The following ROS1 variants were observed in gnomAD, a reference collection of about 807,000 sequenced individuals.
ROS1 encodes the protein ROS proto-oncogene 1, receptor tyrosine kinase.
Under a neutral mutation model 273.5 loss-of-function variants are expected in ROS1, and 263 were observed. That is an observed-to-expected ratio of 0.96 (90% CI 0.87 to 1.06). The LOEUF (loss-of-function observed/expected upper bound fraction) is 1.06. Among genes scored for constraint, ROS1 ranks in the 50% least tolerant of loss-of-function variants. ROS1 has a pLI of 0.00. For synonymous variants in ROS1, 1,008 were observed against 954.1 expected (o/e 1.06, Z -1.04); for missense variants, 2,833 against 2,751.1 (o/e 1.03, Z -0.67).
chr6:117,320,534 A>G (rs1393906796), intron 36 of ROS1, among the ~76,000 whole-genome samples: 2 of 152,168 alleles, frequency 1.3e-5, no homozygotes, highest in African/African-American at 2.4e-5. Flanking sequence ...CACTTGGAAT[A>G]CTACAAGGGG....
At chr6:117,325,608 G>A (rs1776577894) in intron 34 of ROS1, among the ~76,000 whole-genome samples, 1 of 152,088 alleles carries the variant, frequency 6.6e-6, no homozygotes, top group Non-Finnish European at 1.5e-5. Context: ...GTATGCGTAA[G>A]TCAAGGGCAC....
chr6:117,321,998 A>G (rs1776322812), intron 35 of ROS1, among the ~76,000 whole-genome samples: 1 of 151,842 alleles, frequency 6.6e-6, no homozygotes, highest in African/African-American at 2.4e-5. Flanking sequence ...CTTATATAAT[A>G]AGCAGTATTA....
intron 18 of ROS1, among the ~76,000 whole-genome samples, chr6:117,370,992 A>G (rs1045753067): frequency 2.0e-5 from 3 of 152,206 alleles, no homozygotes; most frequent in Admixed American, 6.5e-5. Flanking sequence ...AGATTGTGTA[A>G]AAAAGCAACA....
At chr6:117,310,949 G>T in intron 40 of ROS1, 71 bp downstream of exon 40, 1 of 868,082 alleles carries the variant, frequency 1.2e-6, no homozygotes, top group Non-Finnish European at 1.8e-6. Flanking sequence ...TATCTTGTGT[G>T]CTTTACCTGC....
At chr6:117,381,393 C>A (rs1489873408) in intron 17 of ROS1, among the ~76,000 whole-genome samples, 2 of 151,642 alleles carry the variant, frequency 1.3e-5, no homozygotes, top group Non-Finnish European at 2.9e-5. Context: ...CCAACTTCCA[C>A]CCTCCCTCCT....
In ROS1 at chr6:117,359,877, C is replaced by T. The variant is rs753216129; in HGVS notation, c.3565G>A (p.Glu1189Lys). ...TCCCCTTCAGCATAATATCCCATCT[C>T]ATTATCAGCTGTGTAGCAAACGGCA... ...ISAVCYTADN[E>K]MGYYAEGDSL... The change falls in exon 24 of 44, where the codon GAG (glutamate) becomes AAG (lysine). Residue 1189 changes from glutamate (E) to lysine (K), a missense_variant. Coordinates refer to ENST00000368507, the MANE Select transcript of ROS1 (RefSeq NM_001378902.1). The T allele has an allele frequency of 1.9e-6, 3 of 1,613,934 alleles. No homozygotes were observed. Among genetic ancestry groups the T allele is most frequent in the Admixed American group, 3.3e-5 (2 of 60,000 alleles).
intron 33 of ROS1, among the ~76,000 whole-genome samples, chr6:117,328,245 A>G (rs1304697064): frequency 3.9e-5 from 6 of 152,200 alleles, no homozygotes; most frequent in Non-Finnish European, 8.8e-5. Context: ...GTCATCCTAT[A>G]GTCTATGTCC....
In ROS1 at chr6:117,387,799, C is replaced by T; in HGVS notation, c.1980G>A (p.Val660=). The change falls in exon 14 of 44, where the codon GTG becomes GTA. Residue 660 remains valine, a synonymous_variant. Coordinates refer to ENST00000368507, the MANE Select transcript of ROS1 (RefSeq NM_001378902.1). The part of the protein sequence containing the change: ...KRPGPWSEPS[V]GTTLVPASEP... ...TCTCACCTGGCACCAGGGTAGTACC[C>T]ACTGAGGGCTCTGACCAGGGGCCTG... The T allele has an allele frequency of 6.2e-7, 1 of 1,614,076 alleles. No individual in the cohort carries two copies. Among genetic ancestry groups the T allele is most frequent in the Non-Finnish European group, 8.5e-7 (1 of 1,179,996 alleles).
Position 117,317,134 on chromosome 6 carries a change from A to T in ROS1, c.6117+9T>A, listed in dbSNP as rs568680670. ...TATGAAACCAATATTATGGATCCCA[A>T]CTGCCTACCGTTGCCATCCGGGCTT... On this transcript the variant is annotated intron_variant, in intron 39 of 43. Coordinates refer to ENST00000368507, the MANE Select transcript of ROS1 (RefSeq NM_001378902.1). The T allele has an allele frequency of 6.2e-7, 1 of 1,609,042 alleles. No individual in the cohort carries two copies. Among genetic ancestry groups the T allele is most frequent in the Non-Finnish European group, 8.5e-7 (1 of 1,178,302 alleles).
chr6:117,333,068 T>A (rs115365669), intron 32 of ROS1, among the ~76,000 whole-genome samples: 4,256 of 148,770 alleles, frequency 0.029, 185 homozygotes, highest in African/African-American at 0.093. Context: ...CCGTTTTTTT[T>A]AAAAAATAAA....
chr6:117,397,216 A>C, intron 7 of ROS1, 100 bp from the exon 8 acceptor site: 1 of 760,742 alleles, frequency 1.3e-6, no homozygotes, highest in Admixed American at 2.6e-5. Flanking sequence ...TTGAAAACTT[A>C]ATGGAAACGA....
intron 7 of ROS1, among the ~76,000 whole-genome samples, chr6:117,398,266 T>C (rs892759104): frequency 6.9e-6 from 1 of 145,252 alleles, no homozygotes; most frequent in Non-Finnish European, 1.5e-5. Context: ...GTCCAGGTCT[T>C]CCCCACCGAA....
chr6:117,323,396 C>T (rs1339521051), intron 35 of ROS1, among the ~76,000 whole-genome samples: 1 of 152,050 alleles, frequency 6.6e-6, no homozygotes, highest in Non-Finnish European at 1.5e-5. Flanking sequence ...ATCAACTTTC[C>T]CTTGTAACTT....
At chr6:117,361,861 G>T (rs1022308920) in intron 22 of ROS1, among the ~76,000 whole-genome samples, 1 of 151,900 alleles carries the variant, frequency 6.6e-6, no homozygotes, top group African/African-American at 2.4e-5. Flanking sequence ...CAGCCACGCA[G>T]CTTTGGTAAT....
intron 31 of ROS1, 98 bp from the exon 32 acceptor site, chr6:117,337,438 G>A: frequency 1.1e-6 from 1 of 877,272 alleles, no homozygotes; most frequent in Non-Finnish European, 1.7e-6. Context: ...TAAAATTTAA[G>A]CATTCTTTTC....
At chr6:117,337,419 G>C in intron 31 of ROS1, 79 bp from the exon 32 acceptor site, 1 of 1,069,134 alleles carries the variant, frequency 9.4e-7, no homozygotes, top group African/African-American at 1.6e-5. Flanking sequence ...TAGGCTTATA[G>C]CAAGTGGTTA....
At chr6:117,375,306 G>A (rs1218681258) in intron 18 of ROS1, among the ~76,000 whole-genome samples, 1 of 152,154 alleles carries the variant, frequency 6.6e-6, no homozygotes, top group Non-Finnish European at 1.5e-5. Flanking sequence ...GTGGGAGGAG[G>A]GTGAGGGATA....
intron 41 of ROS1, among the ~76,000 whole-genome samples, chr6:117,309,429 T>C (rs796136007): frequency 2.0e-5 from 3 of 152,128 alleles, no homozygotes; most frequent in South Asian, 4.1e-4. Flanking sequence ...CACAAAAACA[T>C]TTCAGCATTT....
Position 117,394,604 on chromosome 6 carries a change from T to C in ROS1, c.1006+12A>G. 3 of 1,577,136 alleles carry C rather than the reference T, an allele frequency of 1.9e-6. No homozygotes were observed. Among genetic ancestry groups the C allele is most frequent in the South Asian group, 2.4e-5 (2 of 83,002 alleles). On this transcript the variant is annotated intron_variant, in intron 10 of 43. Coordinates refer to ENST00000368507, the MANE Select transcript of ROS1 (RefSeq NM_001378902.1). Reference sequence around the variant, plus strand: ...TTCACACTAAGGAATCATTTATCCTTATCATACTGACCTGTAATATTATGG... The same window carrying C: ...TTCACACTAAGGAATCATTTATCCTCATCATACTGACCTGTAATATTATGG...
Sources: allele counts gnomAD v4.1 joint callset (sites outside exome capture counted in the v4.1 genomes callset), GRCh38; gene constraint gnomAD v4.1.1; transcripts MANE v1.5; gene names NCBI Gene and HGNC (gene_info 2026-07-23, HGNC 2026-07-21).